Variants in FBXW11 observed in about 807,000 individuals in gnomAD.
FBXW11 encodes F-box and WD repeat domain containing 11, also known as F-box/WD repeat-containing protein 11.
Under a neutral mutation model 77.6 loss-of-function variants are expected in FBXW11, and 19 were observed. That is an observed-to-expected ratio of 0.24 (90% confidence interval 0.17 to 0.36). The LOEUF is 0.36. Ranked by LOEUF, FBXW11 falls within the 10% of genes least tolerant of loss-of-function variation. FBXW11 has a pLI of 1.00. For missense variants in FBXW11, 334 were observed against 704.2 expected (o/e 0.47, Z 5.95); for synonymous variants, 235 against 249.4 (o/e 0.94, Z 0.54).
At chr5:171,913,807 CCACACACACATACACACACACACACA>C (rs1761037788) in intron 3 of FBXW11, among the ~76,000 whole-genome samples, 3 of 97,912 alleles carry the variant, frequency 3.1e-5, no homozygotes, top group Middle Eastern at 5.0e-3. Flanking sequence ...AAACCCCCAA[CCACACACACATACACACACACACACA>C]CACACACACA....
At chr5:171,891,380 C>A in intron 7 of FBXW11, 87 bp downstream of exon 7, 6 of 1,304,154 alleles carry the variant, frequency 4.6e-6, no homozygotes, top group Non-Finnish European at 5.2e-6. Context: ...AAAAACCAAT[C>A]TAGAGTAAAT....
intron 7 of FBXW11, among the ~76,000 whole-genome samples, chr5:171,882,123 T>G (rs557767376): frequency 6.6e-6 from 1 of 152,362 alleles, no homozygotes; most frequent in East Asian, 1.9e-4. Context: ...GGATTTAAAC[T>G]GTTCTTTTTC....
At chr5:171,955,901 C>A (rs1029205772) in intron 2 of FBXW11, among the ~76,000 whole-genome samples, 1 of 152,034 alleles carries the variant, frequency 6.6e-6, no homozygotes, top group South Asian at 2.1e-4. Flanking sequence ...TTTGGATTTC[C>A]ATTTTCAACA....
chr5:171,900,705 T>C (rs1308151625), intron 4 of FBXW11, among the ~76,000 whole-genome samples: 1 of 152,216 alleles, frequency 6.6e-6, no homozygotes, highest in African/African-American at 2.4e-5. Flanking sequence ...TGCTTAAATG[T>C]ATTTTTGTCA....
chr5:171,967,482 A>G (rs1764251975), intron 1 of FBXW11, among the ~76,000 whole-genome samples: 1 of 152,218 alleles, frequency 6.6e-6, no homozygotes, highest in Admixed American at 6.5e-5. Flanking sequence ...TTCAAGAAAC[A>G]CTAAGTGAAT....
At chr5:171,955,808 A>T (rs547656745) in intron 2 of FBXW11, among the ~76,000 whole-genome samples, 57 of 152,054 alleles carry the variant, frequency 3.7e-4, no homozygotes, top group African/African-American at 1.3e-3. Context: ...AATAAGACCC[A>T]ATCAAGGCAA....
intron 2 of FBXW11, among the ~76,000 whole-genome samples, chr5:171,944,324 C>A (rs1363447440): frequency 1.3e-5 from 2 of 151,642 alleles, no homozygotes; most frequent in Non-Finnish European, 2.9e-5. Context: ...CACCTGTAAC[C>A]CAGCACTTTG....
At chr5:171,937,478 A>G (rs1205212804) in intron 2 of FBXW11, among the ~76,000 whole-genome samples, 2 of 152,176 alleles carry the variant, frequency 1.3e-5, no homozygotes, top group African/African-American at 4.8e-5. Context: ...ATAGGATGAA[A>G]GCAGCCACAG....
intron 6 of FBXW11, among the ~76,000 whole-genome samples, chr5:171,892,269 G>A (rs1371150372): frequency 6.6e-6 from 1 of 152,184 alleles, no homozygotes; most frequent in African/African-American, 2.4e-5. Flanking sequence ...TAGGCCCATG[G>A]TGTCTGGATC....
intron 4 of FBXW11, among the ~76,000 whole-genome samples, chr5:171,908,206 G>A (rs942800889): frequency 3.3e-5 from 5 of 152,114 alleles, no homozygotes; most frequent in Non-Finnish European, 7.4e-5. Flanking sequence ...ATATGTACAT[G>A]CCTCATCTTA....
At chr5:171,886,942 C>T (rs1472846687) in intron 7 of FBXW11, among the ~76,000 whole-genome samples, 1 of 152,102 alleles carries the variant, frequency 6.6e-6, no homozygotes, top group Non-Finnish European at 1.5e-5. Flanking sequence ...TCACTTGAAC[C>T]CAGGAGGTGG....
chr5:171,900,361 A>G (rs1760031823), intron 4 of FBXW11, among the ~76,000 whole-genome samples: 1 of 152,202 alleles, frequency 6.6e-6, no homozygotes, highest in Admixed American at 6.6e-5. Context: ...GTTATTTGTC[A>G]AATATTAAGA....
At position 171,923,286 on chromosome 5, in the gene FBXW11, T is replaced by C. The variant is rs142237271; in HGVS notation, c.148-8881A>G. Reference sequence around the variant, plus strand: ...ATTTCTAGAAATTCTATATATATTCTAGAATGAACTCCTTTCTCAAATATA... The same window carrying C: ...ATTTCTAGAAATTCTATATATATTCCAGAATGAACTCCTTTCTCAAATATA... On this transcript the variant is annotated intron_variant, in intron 2 of 13. Transcript: ENST00000517395. Among the ~76,000 whole-genome samples the C allele has an allele frequency of 1.0e-3, 156 of 152,334 alleles. No individual in the cohort carries two copies. In the South Asian group the frequency reaches 0.021, roughly 20 times the overall value.
chr5:171,914,308 C>G (rs1336790290), intron 3 of FBXW11, 35 bp downstream of exon 3: 38 of 1,554,424 alleles, frequency 2.4e-5, no homozygotes, highest in Non-Finnish European at 3.3e-5. Context: ...TACAGTAAGT[C>G]AGTTGCTATC....
chr5:171,960,666 A>G (rs1458799570), intron 1 of FBXW11, among the ~76,000 whole-genome samples: 1 of 152,218 alleles, frequency 6.6e-6, no homozygotes, highest in African/African-American at 2.4e-5. Flanking sequence ...ATTTAGTATA[A>G]CCTCGCACTG....
Position 171,868,592 on chromosome 5 carries a change from G to A in FBXW11, c.*25+18C>T. ...GAATTCAATCAGCAAAATTGGAAGG[G>A]GAGAGGATAGTACTCACCTGAAACG... On this transcript the variant is annotated intron_variant, in intron 13 of 13. Coordinates refer to ENST00000517395, the MANE Select transcript of FBXW11 (RefSeq NM_001378974.1). 2 of 1,566,736 alleles carry A rather than the reference G, an allele frequency of 1.3e-6. No homozygotes were observed. The highest frequency in any genetic ancestry group is 1.2e-5 in the South Asian group (1 of 84,894).
intron 1 of FBXW11, among the ~76,000 whole-genome samples, chr5:171,960,201 C>T (rs1245862553): frequency 1.3e-5 from 2 of 152,156 alleles, no homozygotes; most frequent in African/African-American, 4.8e-5. Flanking sequence ...CATGGTGAAA[C>T]CCCACCTTTA....
At chr5:171,916,833 C>G (rs1425665808) in intron 2 of FBXW11, among the ~76,000 whole-genome samples, 1 of 152,154 alleles carries the variant, frequency 6.6e-6, no homozygotes, top group Non-Finnish European at 1.5e-5. Context: ...AGTCAGTCCC[C>G]ACCCCATGTC....
chr5:171,991,262 C>T (rs1195367109), intron 1 of FBXW11, among the ~76,000 whole-genome samples: 4 of 152,140 alleles, frequency 2.6e-5, no homozygotes, highest in African/African-American at 9.7e-5. Flanking sequence ...AGTGGAGTCG[C>T]AGGAGGCCTA....
Sources: gnomAD v4.1 joint callset for allele counts (sites outside exome capture counted in the v4.1 genomes callset) on GRCh38, gnomAD v4.1.1 for gene constraint, MANE v1.5 for transcripts, NCBI Gene and HGNC (gene_info 2026-07-23, HGNC 2026-07-21) for gene names.